The following MED27 variants were observed in gnomAD, a reference collection of about 807,000 sequenced individuals.
MED27 encodes mediator complex subunit 27.
A neutral mutation model predicts 38.2 loss-of-function variants in MED27; 30 were observed. That is an observed-to-expected ratio of 0.79 (90% CI 0.59 to 1.07). MED27 has a LOEUF of 1.07. Among genes scored for constraint, MED27 ranks in the 50% least tolerant of loss-of-function variants. The probability of loss-of-function intolerance (pLI) is 0.00; values close to 1 mark genes in which losing one functional copy is unlikely to be tolerated. For missense variants in MED27, 289 were observed against 397.5 expected (o/e 0.73, Z 2.32); for synonymous variants, 122 against 153.5 (o/e 0.79, Z 1.52).
At chr9:131,963,932 C>A (rs531595704) in intron 3 of MED27, among the ~76,000 whole-genome samples, 1 of 152,102 alleles carries the variant, frequency 6.6e-6, no homozygotes, top group Admixed American at 6.5e-5. Context: ...CTCCATACTT[C>A]TTGGTTCTTG....
chr9:132,038,867 G>A (rs1480444578), intron 2 of MED27, among the ~76,000 whole-genome samples: 1 of 152,164 alleles, frequency 6.6e-6, no homozygotes, highest in Non-Finnish European at 1.5e-5. Context: ...GGATAAGATG[G>A]GTGCCGTGGC....
At chr9:131,887,851 G>A (rs1048997129) in intron 5 of MED27, among the ~76,000 whole-genome samples, 3 of 152,216 alleles carry the variant, frequency 2.0e-5, no homozygotes, top group African/African-American at 7.2e-5. Context: ...GGCTGAGTCT[G>A]CAGTCTCAGG....
chr9:132,069,411 T>G (rs1039228835), intron 2 of MED27, among the ~76,000 whole-genome samples: 10 of 152,202 alleles, frequency 6.6e-5, no homozygotes, highest in African/African-American at 2.2e-4. Context: ...GACATGGAAT[T>G]GGGCCAAAGC....
At chr9:131,881,531 A>G (rs1333802163) in intron 6 of MED27, among the ~76,000 whole-genome samples, 2 of 152,170 alleles carry the variant, frequency 1.3e-5, no homozygotes, top group Non-Finnish European at 2.9e-5. Context: ...TAGAAGAATC[A>G]AGCTATGATT....
intron 2 of MED27, among the ~76,000 whole-genome samples, chr9:132,048,256 C>A (rs1005882060): frequency 2.0e-5 from 3 of 151,992 alleles, no homozygotes; most frequent in Non-Finnish European, 4.4e-5. Flanking sequence ...TTTCCAATCA[C>A]AATTTTTCTC....
At chr9:132,030,479 A>G (rs1832934274) in intron 2 of MED27, among the ~76,000 whole-genome samples, 1 of 152,140 alleles carries the variant, frequency 6.6e-6, no homozygotes, top group Non-Finnish European at 1.5e-5. Flanking sequence ...TCTTTTCAGG[A>G]GCTTCGTGTT....
chr9:131,863,654 C>A (rs981641134), intron 6 of MED27, among the ~76,000 whole-genome samples: 2 of 146,202 alleles, frequency 1.4e-5, no homozygotes, highest in African/African-American at 5.6e-5. Flanking sequence ...GGGAGCCTGG[C>A]AGTTTCTGAG....
chr9:131,916,246 T>C lies in MED27; in HGVS notation c.574-22254A>G, dbSNP rs187412431. The stretch of plus-strand genomic sequence containing the variant: ...CAAGATAAACTGCTTTTAAAATCAG[T>C]TGAAGATTTAATATAGCCCTGGAAG... On this transcript the variant is annotated intron_variant, in intron 4 of 7. Transcript: ENST00000292035. Among the ~76,000 whole-genome samples, 6 of 152,328 alleles carry C rather than the reference T, an allele frequency of 3.9e-5. No homozygotes were observed. The East Asian group carries it at 7.7e-4, about 20-fold the overall frequency.
chr9:132,038,480 C>T (rs1264141433), intron 2 of MED27, among the ~76,000 whole-genome samples: 2 of 151,044 alleles, frequency 1.3e-5, no homozygotes, highest in Non-Finnish European at 3.0e-5. Context: ...GCGTGAGCCA[C>T]CGCGCCCGGC....
chr9:131,938,296 G>C (rs999789860), intron 4 of MED27, among the ~76,000 whole-genome samples: 1 of 152,088 alleles, frequency 6.6e-6, no homozygotes. Context: ...AGAATAGATG[G>C]AAAAAATACC....
At chr9:132,063,757 G>A (rs374906813) in intron 2 of MED27, among the ~76,000 whole-genome samples, 10 of 152,184 alleles carry the variant, frequency 6.6e-5, no homozygotes, top group South Asian at 4.1e-4. Context: ...CAAGTGTTCA[G>A]GGGCAGGGGG....
rs1831748643 is a variant in MED27 at position 131,982,043 on chromosome 9, T to C, written c.479+32294A>G. ...TGGTAGATACCACTTATCATGCACT[T>C]CCCATGTTCTTCCACGTTGGTAGTC... On this transcript the variant is annotated intron_variant, in intron 3 of 7. Transcript: ENST00000292035. The surrounding 1 kb of genome is among the most constrained non-coding windows in gnomAD (Gnocchi z 4.3). Among the ~76,000 whole-genome samples the C allele has an allele frequency of 6.6e-6, 1 of 152,168 alleles. No individual in the cohort carries two copies. The highest frequency in any genetic ancestry group is 6.5e-5 in the Admixed American group (1 of 15,286).
chr9:132,056,708 G>A lies in MED27; in HGVS notation c.348+20734C>T, dbSNP rs557452481. On this transcript the variant is annotated intron_variant, in intron 2 of 7. Coordinates refer to ENST00000292035, the MANE Select transcript of MED27 (RefSeq NM_004269.4). The stretch of plus-strand genomic sequence containing the variant: ...ACAGATTAGGAAAGGTATAGACACC[G>A]TGACAGAGGGCTCACACCTTGCAGA... 9.5e-4 allele frequency among the ~76,000 whole-genome samples: 144 copies of A among 152,240 alleles called. 1 individual carries two copies. The highest frequency in any genetic ancestry group is 1.4e-3 in the Admixed American group (22 of 15,306).
At chr9:131,942,500 T>C (rs1830807278) in intron 3 of MED27, among the ~76,000 whole-genome samples, 3 of 152,198 alleles carry the variant, frequency 2.0e-5, no homozygotes, top group African/African-American at 4.8e-5. Flanking sequence ...ATGGAGGTCA[T>C]TGCTAAGTAT....
intron 2 of MED27, among the ~76,000 whole-genome samples, chr9:132,060,488 CT>C (rs2131149565): frequency 6.6e-6 from 1 of 152,334 alleles, no homozygotes; most frequent in East Asian, 1.9e-4. Context: ...ACTACTCCCC[CT>C]CCCACCCGAC....
At position 131,987,997 on chromosome 9, in the gene MED27, A is replaced by G. The variant is rs531213359; in HGVS notation, c.479+26340T>C. Among the ~76,000 whole-genome samples, 158 of 152,386 alleles carry G rather than the reference A, an allele frequency of 1.0e-3. 1 individual carries two copies. The highest frequency in any genetic ancestry group is 3.7e-3 in the African/African-American group (154 of 41,600). On this transcript the variant is annotated intron_variant, in intron 3 of 7. Transcript: ENST00000292035. ...TCTGAAAAAGCCACAGTCTGTGTCC[A>G]TTAAGACAAGGACTGGTTTAGGCGA...
At chr9:131,937,318 C>A (rs1359875288) in intron 4 of MED27, among the ~76,000 whole-genome samples, 1 of 152,166 alleles carries the variant, frequency 6.6e-6, no homozygotes, top group East Asian at 1.9e-4. Context: ...TAAGTAAGCA[C>A]CAGCTTCTGT....
chr9:131,980,221 G>A lies in MED27; in HGVS notation c.479+34116C>T, dbSNP rs1408660327. 1.3e-5 allele frequency among the ~76,000 whole-genome samples: 2 copies of A among 151,734 alleles called. 1 individual carries two copies. Among genetic ancestry groups the A allele is most frequent in the Non-Finnish European group, 2.9e-5 (2 of 67,964 alleles). On this transcript the variant is annotated intron_variant, in intron 3 of 7. Coordinates refer to ENST00000292035, the MANE Select transcript of MED27 (RefSeq NM_004269.4). ...TGGGAGGCGGGTGGCGGGGGGGAGA[G>A]GGAGGAAAGTGAGGTGCTATTTAAT...
At chr9:132,038,866 G>T (rs1833142695) in intron 2 of MED27, among the ~76,000 whole-genome samples, 1 of 152,152 alleles carries the variant, frequency 6.6e-6, no homozygotes, top group Admixed American at 6.5e-5. Context: ...TGGATAAGAT[G>T]GGTGCCGTGG....
Sources: allele counts gnomAD v4.1 joint callset (sites outside exome capture counted in the v4.1 genomes callset), GRCh38; gene constraint gnomAD v4.1.1; non-coding constraint Gnocchi (gnomAD v3.1); transcripts MANE v1.5; gene names NCBI Gene and HGNC (gene_info 2026-07-23, HGNC 2026-07-21).